Variants in HMGB1 observed in about 807,000 individuals in gnomAD.
HMGB1 encodes high mobility group box 1.
For missense variants in HMGB1, 79 were observed against 253.5 expected (o/e 0.31, Z 4.67); for synonymous variants, 81 against 84.0 (o/e 0.96, Z 0.19).
At chr13:30,489,683 T>C (rs1014565713) in intron 1 of HMGB1, among the ~76,000 whole-genome samples, 3 of 152,136 alleles carry the variant, frequency 2.0e-5, no homozygotes, top group African/African-American at 7.2e-5. Context: ...GAATGCATGT[T>C]CTTCAGCACA....
chr13:30,537,696 T>TATATATATAA, intron 1 of HMGB1, among the ~76,000 whole-genome samples: 1 of 125,728 alleles, frequency 8.0e-6, no homozygotes. Flanking sequence ...TATATATATA[T>TATATATATAA]AAAATTGATG....
chr13:30,572,646 T>C (rs772815579), intron 1 of HMGB1, among the ~76,000 whole-genome samples: 2 of 152,222 alleles, frequency 1.3e-5, no homozygotes, highest in Non-Finnish European at 2.9e-5. Flanking sequence ...TGCTAATTCT[T>C]AGTGACTCCG....
At chr13:30,605,202 C>T (rs1950445387) in intron 1 of HMGB1, among the ~76,000 whole-genome samples, 1 of 152,096 alleles carries the variant, frequency 6.6e-6, no homozygotes, top group Non-Finnish European at 1.5e-5. Context: ...ACTTGGAATG[C>T]CTATTTGGCA....
intron 1 of HMGB1, among the ~76,000 whole-genome samples, chr13:30,599,665 T>C (rs1250052056): frequency 6.6e-6 from 1 of 152,204 alleles, no homozygotes; most frequent in Admixed American, 6.5e-5. Context: ...GCTGTCCCTC[T>C]GTCTGTTTCT....
intron 1 of HMGB1, among the ~76,000 whole-genome samples, chr13:30,521,431 T>A (rs1888235507): frequency 6.6e-6 from 1 of 152,220 alleles, no homozygotes. Flanking sequence ...TCTCTATAGA[T>A]TTGCCTATTC....
At chr13:30,476,338 C>T (rs1028192526) in intron 1 of HMGB1, among the ~76,000 whole-genome samples, 1 of 151,768 alleles carries the variant, frequency 6.6e-6, no homozygotes, top group African/African-American at 2.4e-5. Flanking sequence ...GGGGTTTCAC[C>T]ATGTTGGCCA....
At chr13:30,480,073 C>G (rs1467718) in intron 1 of HMGB1, among the ~76,000 whole-genome samples, 48,379 of 152,008 alleles carry the variant, frequency 0.32, 8,036 homozygotes, top group East Asian at 0.53. Flanking sequence ...TGTCCTTCCC[C>G]CTCCTCTGCT....
intron 1 of HMGB1, among the ~76,000 whole-genome samples, chr13:30,550,407 AC>A (rs1181906362): frequency 6.6e-6 from 1 of 152,238 alleles, no homozygotes; most frequent in Non-Finnish European, 1.5e-5. Flanking sequence ...AGCAGTGCTA[AC>A]GACTGAATGG....
At chr13:30,617,301 G>A (rs545895403) in exon 1 of HMGB1, 1 of 152,412 alleles carries the variant, frequency 6.6e-6, no homozygotes, top group African/African-American at 2.4e-5. Flanking sequence ...ATGGGCTCTA[G>A]GGAGACAGGG....
At chr13:30,463,877 C>CAAACA (rs376384746) in intron 1 of HMGB1, 183 bp from the exon 2 acceptor site, 3 of 530,154 alleles carry the variant, frequency 5.7e-6, no homozygotes, top group South Asian at 2.8e-5. Flanking sequence ...CTATGCCAAG[C>CAAACA]AAACAAAACA....
At chr13:30,505,117 C>T (rs940648600) in intron 1 of HMGB1, among the ~76,000 whole-genome samples, 5 of 148,824 alleles carry the variant, frequency 3.4e-5, no homozygotes, top group Non-Finnish European at 5.9e-5. Flanking sequence ...ACTACAGGCG[C>T]CGCCACCATG....
At chr13:30,571,843 A>T (rs1257329980) in intron 1 of HMGB1, among the ~76,000 whole-genome samples, 1 of 152,166 alleles carries the variant, frequency 6.6e-6, no homozygotes, top group African/African-American at 2.4e-5. Flanking sequence ...TATAATAATA[A>T]TATTTACGTT....
At chr13:30,496,263 C>T (rs1004700534) in intron 1 of HMGB1, among the ~76,000 whole-genome samples, 1 of 152,178 alleles carries the variant, frequency 6.6e-6, no homozygotes, top group Non-Finnish European at 1.5e-5. Context: ...ATAGCAGATG[C>T]AGATCATCTG....
intron 1 of HMGB1, among the ~76,000 whole-genome samples, chr13:30,598,642 T>C (rs533352963): frequency 5.9e-5 from 9 of 152,282 alleles, no homozygotes; most frequent in Admixed American, 5.2e-4. Context: ...GCATGTATGT[T>C]GGAACAGGAC....
At chr13:30,537,550 A>T (rs74046059) in intron 1 of HMGB1, among the ~76,000 whole-genome samples, 4,973 of 150,124 alleles carry the variant, frequency 0.033, 218 homozygotes, top group African/African-American at 0.1. Flanking sequence ...TGTATTTTTT[A>T]AAAAAAATGT....
chr13:30,458,274 G>A lies in HMGB1; in HGVS notation c.*3083C>T, dbSNP rs948118055. ...TGTGAACTTTCATCAAGGACTATGT[G>A]ATGTCAAGCAAGGCAGTACCCATGT... is the stretch of plus-strand genomic sequence containing the variant. On this transcript the variant is annotated 3_prime_UTR_variant, in exon 5 of 5. Transcript: ENST00000341423. The A allele has an allele frequency of 1.3e-5, 2 of 150,840 alleles. No homozygotes were observed. Among genetic ancestry groups the A allele is most frequent in the African/African-American group, 4.9e-5 (2 of 40,602 alleles). The allele number at this position is 150,840 out of a possible 1,614,324, so 9.3% of individuals were successfully genotyped here.
At chr13:30,469,326 T>C (rs1050708038), upstream of HMGB1, among the ~76,000 whole-genome samples, 1 of 152,236 alleles carries the variant, frequency 6.6e-6, no homozygotes, top group Non-Finnish European at 1.5e-5. Context: ...CCATCCCCTC[T>C]AGGATAGGGG....
chr13:30,463,888 AAAC>A lies in HMGB1; in HGVS notation c.-14-197_-14-195del, dbSNP rs1053911907. The A allele has an allele frequency of 7.7e-6, 4 of 518,894 alleles. 1 individual carries two copies. The South Asian group carries it at 8.6e-5, about 11-fold the overall frequency. The allele number at this position is 518,894 out of a possible 1,614,324, so 32.1% of individuals were successfully genotyped here. A position where few individuals can be genotyped will look rare whatever the true frequency, so the allele number is the denominator to read the frequency against. ...GGGGCTATGCCAAGCAAACAAAACA[AAAC>A]AAAAACAGTCCTTCAGGGCGATCTC... On this transcript the variant is annotated intron_variant, in intron 1 of 4. Transcript: ENST00000341423.
rs377571484 is a variant in HMGB1 at position 30,591,229 on chromosome 13, A to C, written c.-15+25442T>G. Among the ~76,000 whole-genome samples, 14 of 151,826 alleles carry C rather than the reference A, an allele frequency of 9.2e-5. No homozygotes were observed. In the East Asian group the frequency reaches 2.1e-3, roughly 23 times the overall value. On this transcript the variant is annotated intron_variant, in intron 1 of 4. Transcript: ENST00000405805. ...GTATTTTTAGTAGAGACGGGGTTTC[A>C]CTATGTTGGCCAGGCTAGTCTTGAA...
Sources: gnomAD v4.1 joint callset for allele counts (sites outside exome capture counted in the v4.1 genomes callset) on GRCh38, gnomAD v4.1.1 for gene constraint, MANE v1.5 for transcripts, NCBI Gene and HGNC (gene_info 2026-07-23, HGNC 2026-07-21) for gene names.